The following WDPCP variants were observed in gnomAD, a reference collection of about 807,000 sequenced individuals.
WDPCP encodes the protein WD repeat containing planar cell polarity effector, also known as WD repeat-containing and planar cell polarity effector protein fritz homolog.
In WDPCP, 71 loss-of-function variants were observed where a neutral mutation model predicts 93.1. The ratio of observed to expected loss-of-function variants is 0.76; its 90% CI spans 0.63 to 0.93. WDPCP has a LOEUF of 0.93. WDPCP is among the 40% of genes least tolerant of loss of function. The probability of loss-of-function intolerance (pLI) is 0.00; values close to 1 mark genes in which losing one functional copy is unlikely to be tolerated. For missense variants in WDPCP, 844 were observed against 887.4 expected, an observed-to-expected ratio of 0.95 and a Z score of 0.62; for synonymous variants, 315 against 315.0, an observed-to-expected ratio of 1.00 and a Z score of 0.00.
intron 17 of WDPCP, among the ~76,000 whole-genome samples, chr2:63,137,028 C>G (rs1670670420): frequency 6.6e-6 from 1 of 152,118 alleles, no homozygotes; most frequent in Admixed American, 6.5e-5. Flanking sequence ...CATATGCATG[C>G]ATGTCTTTAT....
At chr2:63,683,858 A>G (rs1668767580) in intron 2 of WDPCP, among the ~76,000 whole-genome samples, 1 of 152,106 alleles carries the variant, frequency 6.6e-6, no homozygotes. Flanking sequence ...CAAAAAAAAA[A>G]AAAAGAACAG....
At chr2:63,493,549 G>GTT (rs904404580) in intron 1 of WDPCP, among the ~76,000 whole-genome samples, 1 of 144,362 alleles carries the variant, frequency 6.9e-6, no homozygotes, top group African/African-American at 2.5e-5. Flanking sequence ...ATTCTATGGG[G>GTT]TTTTTTTTTT....
At chr2:63,737,025 T>C (rs983239267) in intron 2 of WDPCP, among the ~76,000 whole-genome samples, 2 of 152,112 alleles carry the variant, frequency 1.3e-5, no homozygotes, top group African/African-American at 2.4e-5. Flanking sequence ...AAACTACCAT[T>C]TCTCTACCTC....
At chr2:63,705,980 C>T (rs1669145147) in intron 2 of WDPCP, among the ~76,000 whole-genome samples, 1 of 151,974 alleles carries the variant, frequency 6.6e-6, no homozygotes, top group South Asian at 2.1e-4. Context: ...TCTGGGTGCC[C>T]CTGTATTGGG....
At chr2:63,684,348 G>A (rs1422270689) in intron 2 of WDPCP, 11 of 682,028 alleles carry the variant, frequency 1.6e-5, no homozygotes, top group Middle Eastern at 4.4e-4. Flanking sequence ...GCTTGTCCTG[G>A]CTGGACACTA....
the WDPCP span, among the ~76,000 whole-genome samples, chr2:63,833,599 A>T: frequency 6.6e-6 from 1 of 152,208 alleles, no homozygotes; most frequent in Non-Finnish European, 1.5e-5. Context: ...TCAGAGATTG[A>T]CCATGTAATA....
At chr2:63,500,454 G>GGGGTGTGTGTGT (rs1553412905) in intron 1 of WDPCP, among the ~76,000 whole-genome samples, 17 of 149,580 alleles carry the variant, frequency 1.1e-4, no homozygotes, top group Admixed American at 4.6e-4. Flanking sequence ...ATGGTGTGGG[G>GGGGTGTGTGTGT]GTGTGTGTGT....
At chr2:63,343,321 G>A (rs1351266289) in intron 12 of WDPCP, among the ~76,000 whole-genome samples, 3 of 151,634 alleles carry the variant, frequency 2.0e-5, no homozygotes, top group Non-Finnish European at 4.4e-5. Flanking sequence ...GTTTGCATAT[G>A]TCTTCTCACT....
chr2:63,269,446 C>G (rs554426977), intron 13 of WDPCP, among the ~76,000 whole-genome samples: 52 of 152,186 alleles, frequency 3.4e-4, no homozygotes, highest in Admixed American at 1.2e-3. Context: ...CATGTAAGAT[C>G]TAAATAAAAA....
chr2:63,732,895 TGAA>T (rs1669581278), intron 2 of WDPCP, among the ~76,000 whole-genome samples: 1 of 151,934 alleles, frequency 6.6e-6, no homozygotes, highest in African/African-American at 2.4e-5. Context: ...GGCAGAAACA[TGAA>T]GAACTACAGA....
chr2:63,445,262 A>C (rs531329260), intron 6 of WDPCP, among the ~76,000 whole-genome samples: 3 of 152,244 alleles, frequency 2.0e-5, no homozygotes, highest in African/African-American at 7.2e-5. Context: ...AAGGAGAAAA[A>C]ACAAAAGAAC....
chr2:63,637,585 A>C (rs908094433), intron 3 of WDPCP, among the ~76,000 whole-genome samples: 3 of 152,168 alleles, frequency 2.0e-5, no homozygotes, highest in African/African-American at 7.2e-5. Context: ...ACAAAAAAAC[A>C]ATAAATACAC....
intron 12 of WDPCP, among the ~76,000 whole-genome samples, chr2:63,327,325 T>C (rs12992737): frequency 0.8 from 121,893 of 152,190 alleles, 49,693 homozygotes; most frequent in East Asian, 0.96. Context: ...ATGGACTGAA[T>C]GAGGTTTTAT....
At chr2:63,726,119 G>T (rs1198856909) in intron 2 of WDPCP, among the ~76,000 whole-genome samples, 2 of 152,038 alleles carry the variant, frequency 1.3e-5, no homozygotes, top group Non-Finnish European at 2.9e-5. Context: ...ATTTGCCAGG[G>T]TATATGTCCA....
intron 3 of WDPCP, chr2:63,595,409 T>A (rs1446465329): frequency 6.6e-7 from 1 of 1,523,790 alleles, no homozygotes; most frequent in Admixed American, 1.7e-5. Context: ...GATGCTGTCC[T>A]TGCTATTTGG....
intron 3 of WDPCP, chr2:63,605,881 T>C (rs1358604721): frequency 1.5e-6 from 2 of 1,370,136 alleles, no homozygotes; most frequent in Non-Finnish European, 2.1e-6. Context: ...TTTTATTAGT[T>C]CATGTGTCAG....
At chr2:63,176,530 C>A (rs1673820981) in intron 14 of WDPCP, among the ~76,000 whole-genome samples, 1 of 151,352 alleles carries the variant, frequency 6.6e-6, no homozygotes, top group Admixed American at 6.6e-5. Context: ...TGTAATCCTG[C>A]CTCCCAAAGT....
chr2:63,838,401 G>A, the WDPCP span, among the ~76,000 whole-genome samples: 1 of 152,220 alleles, frequency 6.6e-6, no homozygotes, highest in African/African-American at 2.4e-5. Context: ...CTATGGGAAA[G>A]TAGAAAGAAG....
chr2:63,801,550 G>A (rs183065264), intron 2 of WDPCP, among the ~76,000 whole-genome samples: 9 of 152,158 alleles, frequency 5.9e-5, no homozygotes, highest in East Asian at 5.8e-4. Flanking sequence ...ATTTGTCCCC[G>A]CCCATGTTCC....
Sources: allele counts gnomAD v4.1 joint callset (sites outside exome capture counted in the v4.1 genomes callset), GRCh38; gene constraint gnomAD v4.1.1; transcripts MANE v1.5; gene names NCBI Gene and HGNC (gene_info 2026-07-23, HGNC 2026-07-21).